PITPNM2: variants seen among roughly 807,000 people sequenced by gnomAD.
The protein encoded by PITPNM2 is phosphatidylinositol transfer protein membrane associated 2, also known as membrane-associated phosphatidylinositol transfer protein 2.
A neutral mutation model predicts 132.2 loss-of-function variants in PITPNM2; 35 were observed. That is an observed-to-expected ratio of 0.26 (90% CI 0.20 to 0.35). PITPNM2 has a LOEUF of 0.35. Ranked by LOEUF, PITPNM2 falls within the 10% of genes least tolerant of loss-of-function variation. The probability of loss-of-function intolerance (pLI) is 1.00; values close to 1 mark genes in which losing one functional copy is unlikely to be tolerated. For missense variants in PITPNM2, 1,332 were observed against 1,912.0 expected, an observed-to-expected ratio of 0.70 and a Z score of 5.66; for synonymous variants, 738 against 799.2, an observed-to-expected ratio of 0.92 and a Z score of 1.29.
chr12:123,031,302 C>T lies in PITPNM2; in HGVS notation c.78+3211G>A, dbSNP rs1035653112. Among the ~76,000 whole-genome samples, 11 of 152,232 alleles carry T rather than the reference C, an allele frequency of 7.2e-5. No individual in the cohort carries two copies. Among genetic ancestry groups the T allele is most frequent in the African/African-American group, 1.9e-4 (8 of 41,452 alleles). On this transcript the variant is annotated intron_variant, in intron 3 of 25. Coordinates refer to ENST00000320201, the MANE Select transcript of PITPNM2 (RefSeq NM_020845.3). The surrounding 1 kb of genome is among the most constrained non-coding windows in gnomAD (Gnocchi z 4.5). ...AGCGTTTTGCCCCTCAGAGGGCACA[C>T]GACCTATGGGCCTGGCAATATCTTG...
chr12:123,151,238 C>T (rs558735434), upstream of PITPNM2, among the ~76,000 whole-genome samples: 9 of 150,732 alleles, frequency 6.0e-5, no homozygotes, highest in Middle Eastern at 3.4e-3. Flanking sequence ...GAAACCTCTC[C>T]GACTCGGGCA....
chr12:123,045,419 G>A (rs1268359816), intron 2 of PITPNM2, among the ~76,000 whole-genome samples: 1 of 152,162 alleles, frequency 6.6e-6, no homozygotes, highest in East Asian at 1.9e-4. Context: ...ATGTGGCTAA[G>A]TCGGCAGACA....
intron 8 of PITPNM2, among the ~76,000 whole-genome samples, chr12:123,003,792 C>A (rs1407354961): frequency 6.6e-6 from 1 of 152,250 alleles, no homozygotes; most frequent in Non-Finnish European, 1.5e-5. Context: ...CCAACCCCTA[C>A]ACCTGCTGGC....
intron 2 of PITPNM2, among the ~76,000 whole-genome samples, chr12:123,109,419 G>A (rs922484710): frequency 6.6e-6 from 1 of 152,184 alleles, no homozygotes; most frequent in Non-Finnish European, 1.5e-5. Flanking sequence ...GGGAGAGACT[G>A]CTACTCCCTG....
chr12:123,052,585 C>T (rs1439506509), intron 2 of PITPNM2, among the ~76,000 whole-genome samples: 3 of 152,152 alleles, frequency 2.0e-5, no homozygotes, highest in Non-Finnish European at 2.9e-5. Context: ...CACAACTGCA[C>T]TCCAGCTACA....
At chr12:123,013,051 G>A (rs2039275614) in intron 4 of PITPNM2, among the ~76,000 whole-genome samples, 1 of 152,228 alleles carries the variant, frequency 6.6e-6, no homozygotes, top group Admixed American at 6.5e-5. Context: ...TGCCAAGCAG[G>A]AGGAAGCTGG....
rs549115311 is a variant in PITPNM2, at chr12:122,996,395, C to T, written c.1782+63G>A. ...CCAGGTGCAGGAACAGGCAGGGCAG[C>T]CACCCTGGGGGCGTGCAGGAGGCTT... is the stretch of plus-strand genomic sequence containing the variant. On this transcript the variant is annotated intron_variant, in intron 13 of 25. Transcript: ENST00000320201. 2.6e-5 allele frequency: 42 copies of T among 1,586,740 alleles called. No homozygotes were observed. In the East Asian group the frequency reaches 8.6e-4, roughly 32 times the overall value.
chr12:122,989,186 G>A (rs1039634940), intron 18 of PITPNM2, among the ~76,000 whole-genome samples: 5 of 152,164 alleles, frequency 3.3e-5, no homozygotes, highest in African/African-American at 9.7e-5. Flanking sequence ...CCTCTGCCCC[G>A]TGGCAACCCC....
intron 3 of PITPNM2, among the ~76,000 whole-genome samples, chr12:123,016,783 C>T (rs1209818496): frequency 4.6e-5 from 7 of 152,084 alleles, no homozygotes; most frequent in Admixed American, 6.6e-5. Context: ...CGGTGGCTCA[C>T]GCCTGTAAGC....
At chr12:123,088,066 T>A (rs2042163463) in intron 2 of PITPNM2, 1 of 152,212 alleles carries the variant, frequency 6.6e-6, no homozygotes, top group African/African-American at 2.4e-5. Flanking sequence ...GAGTCCAGCG[T>A]CTTTACCATG....
intron 10 of PITPNM2, among the ~76,000 whole-genome samples, chr12:122,999,984 T>C (rs1374682468): frequency 1.3e-5 from 2 of 152,026 alleles, no homozygotes; most frequent in Non-Finnish European, 2.9e-5. Context: ...GGAAATCAAC[T>C]CCCCTTATTC....
intron 3 of PITPNM2, among the ~76,000 whole-genome samples, chr12:123,032,064 T>C (rs1028284616): frequency 2.6e-5 from 4 of 152,212 alleles, no homozygotes; most frequent in African/African-American, 9.6e-5. Context: ...AGACACTGCA[T>C]GTGTCGGCTA....
chr12:123,004,048 T>C lies in PITPNM2; in HGVS notation c.1048+346A>G, dbSNP rs561646217. On this transcript the variant is annotated intron_variant, in intron 8 of 25. Coordinates refer to ENST00000320201, the MANE Select transcript of PITPNM2 (RefSeq NM_020845.3). The surrounding 1 kb of genome is among the most constrained non-coding windows in gnomAD (Gnocchi z 4.9). ...AAAAAATTAGAAAATTAAAAGAAGT[T>C]ATGCTTCCATGGAAATAAATTCACA... Among the ~76,000 whole-genome samples the C allele has an allele frequency of 7.2e-5, 11 of 152,324 alleles. No homozygotes were observed. The highest frequency in any genetic ancestry group is 2.6e-4 in the African/African-American group (11 of 41,566).
intron 3 of PITPNM2, among the ~76,000 whole-genome samples, chr12:123,020,206 C>T (rs1030406771): frequency 1.6e-4 from 24 of 152,058 alleles, no homozygotes; most frequent in African/African-American, 2.2e-4. Context: ...CTGCAACCTC[C>T]GCCTCCCAGG....
chr12:123,133,815 G>C (rs6488864), intron 1 of PITPNM2, among the ~76,000 whole-genome samples: 119,391 of 149,230 alleles, frequency 0.8, 47,293 homozygotes, highest in East Asian at 0.83. Flanking sequence ...CACACACACA[G>C]ACACACACAC....
intron 2 of PITPNM2, among the ~76,000 whole-genome samples, chr12:123,100,657 A>T (rs1360861596): frequency 6.6e-6 from 1 of 152,168 alleles, no homozygotes; most frequent in Admixed American, 6.6e-5. Context: ...CAGCACTGAC[A>T]TATGGTACAG....
rs990905431 is a variant in PITPNM2 at position 123,111,658 on chromosome 12, C to G, written c.-199-1170G>C. 6.6e-6 allele frequency among the ~76,000 whole-genome samples: 1 copy of G among 152,216 alleles called. No homozygotes were observed. Among genetic ancestry groups the G allele is most frequent in the East Asian group, 1.9e-4 (1 of 5,200 alleles). On this transcript the variant is annotated intron_variant, in intron 1 of 25. Transcript: ENST00000320201. The surrounding 1 kb of genome is among the most constrained non-coding windows in gnomAD (Gnocchi z 4.1). ...CGCCACCGCGTCCTGCATGCCCACC[C>G]CCGTGCAGGCTCCTCTGTGGGACTG... is the stretch of plus-strand genomic sequence containing the variant.
At chr12:123,145,861 T>C (rs370412236) in intron 1 of PITPNM2, among the ~76,000 whole-genome samples, 8 of 152,166 alleles carry the variant, frequency 5.3e-5, no homozygotes, top group South Asian at 4.1e-4. Context: ...CGTATGTTCA[T>C]TGCAGCACTA....
chr12:123,073,524 T>G (rs1028931512), intron 2 of PITPNM2, among the ~76,000 whole-genome samples: 64 of 152,320 alleles, frequency 4.2e-4, no homozygotes, highest in Middle Eastern at 3.4e-3. Flanking sequence ...TATCTCTATG[T>G]TACAGATGAA....
Sources: allele counts gnomAD v4.1 joint callset (sites outside exome capture counted in the v4.1 genomes callset), GRCh38; gene constraint gnomAD v4.1.1; non-coding constraint Gnocchi (gnomAD v3.1); transcripts MANE v1.5; gene names NCBI Gene and HGNC (gene_info 2026-07-23, HGNC 2026-07-21).